The following DPH1 variants were observed in gnomAD, a reference collection of about 807,000 sequenced individuals.
The protein encoded by DPH1 is diphthamide biosynthesis 1, also known as 2-(3-amino-3-carboxypropyl)histidine synthase subunit 1.
A neutral mutation model predicts 55.3 loss-of-function variants in DPH1; 59 were observed. The ratio of observed to expected loss-of-function variants is 1.07; its 90% CI spans 0.87 to 1.33. DPH1 has a LOEUF of 1.33. Ranked by LOEUF, DPH1 falls within the 40% of genes most tolerant of loss-of-function variation. DPH1 has a pLI of 0.00. For synonymous variants in DPH1, 238 were observed against 235.5 expected, an observed-to-expected ratio of 1.01 and a Z score of -0.10; for missense variants, 628 against 584.8, an observed-to-expected ratio of 1.07 and a Z score of -0.76.
chr17:2,033,007 C>T (rs2067352006), intron 1 of DPH1, among the ~76,000 whole-genome samples: 1 of 152,234 alleles, frequency 6.6e-6, no homozygotes, highest in Non-Finnish European at 1.5e-5. Flanking sequence ...GCTGGGATTA[C>T]AGGCGTGAGC....
chr17:2,040,179 C>T, intron 7 of DPH1, 39 bp from the exon 8 acceptor site: 3 of 1,609,804 alleles, frequency 1.9e-6, no homozygotes, highest in Non-Finnish European at 2.5e-6. Context: ...CTGGTCCTGA[C>T]AGTGGCTGCC....
At position 2,039,735 on chromosome 17, in the gene DPH1, C is replaced by G. The variant is rs1027091464; in HGVS notation, c.681-20C>G. On this transcript the variant is annotated intron_variant, in intron 6 of 12. Transcript: ENST00000263083. ...TTCTGCTGCCCTAAACCACACTTAG[C>G]CTCCTTTCCACCCCTGCAGGTATCT... 3 of 1,613,990 alleles carry G rather than the reference C, an allele frequency of 1.9e-6. No homozygotes were observed. The highest frequency in any genetic ancestry group is 1.7e-6 in the Non-Finnish European group (2 of 1,180,010).
In DPH1 at chr17:2,030,155, A is replaced by C. The variant is rs534743578; in HGVS notation, c.-15A>C. On this transcript the variant is annotated 5_prime_UTR_variant, in exon 1 of 13. It removes an upstream start codon present in the reference 5' UTR. Transcript: ENST00000263083. ...TCCAGCGCTGTCTTTTTAGTACCAC[A>C]TGCGCAGGCAGGTGATGGCGGCGCT... 1.2e-6 allele frequency: 2 copies of C among 1,601,316 alleles called. No homozygotes were observed. Among genetic ancestry groups the C allele is most frequent in the South Asian group, 2.3e-5 (2 of 88,414 alleles).
At chr17:2,034,470 C>CTTGTT (rs2067376104) in intron 3 of DPH1, among the ~76,000 whole-genome samples, 3 of 137,986 alleles carry the variant, frequency 2.2e-5, no homozygotes, top group African/African-American at 5.4e-5. Flanking sequence ...GCTGCCCCAT[C>CTTGTT]GCCCTCCCCT....
intron 3 of DPH1, among the ~76,000 whole-genome samples, chr17:2,035,465 TCCGGGTGA>T (rs1567543908): frequency 0.074 from 1,433 of 19,252 alleles, 7 homozygotes; most frequent in East Asian, 0.17. Context: ...GTAGTGGGGG[TCCGGGTGA>T]GGGGGCCCTG....
intron 1 of DPH1, among the ~76,000 whole-genome samples, chr17:2,031,420 C>T (rs1392209295): frequency 6.6e-6 from 1 of 151,466 alleles, no homozygotes; most frequent in Non-Finnish European, 1.5e-5. Flanking sequence ...AAATTAGCCG[C>T]GTGTGGTAGC....
rs936566545 is a variant in DPH1, at chr17:2,042,779, A to C, written c.*193A>C. ...TTTGACGGCCTTCTTGGTTTCAGCCAAGGGGCTGCGCTAGCAGCCCTTGTG... is the reference window on the plus strand; with the variant it reads ...TTTGACGGCCTTCTTGGTTTCAGCCCAGGGGCTGCGCTAGCAGCCCTTGTG... On this transcript the variant is annotated 3_prime_UTR_variant, in exon 13 of 13. Transcript: ENST00000263083. 8.1e-6 allele frequency: 13 copies of C among 1,611,528 alleles called. No homozygotes were observed. Among genetic ancestry groups the C allele is most frequent in the Non-Finnish European group, 1.0e-5 (12 of 1,179,172 alleles).
At chr17:2,033,377 A>G (rs773915149) in intron 1 of DPH1, 128 bp from the exon 2 acceptor site, 2 of 1,443,518 alleles carry the variant, frequency 1.4e-6, no homozygotes, top group Admixed American at 2.1e-5. Flanking sequence ...TTTTCTTGAG[A>G]TGACTCAAAA....
chr17:2,036,018 T>C lies in DPH1; in HGVS notation c.327T>C (p.Ala109=), dbSNP rs2151346731. Residue 109 remains alanine, a synonymous_variant, in exon 4 of 13, where the codon GCT becomes GCC. Transcript: ENST00000263083. This position sits in a 1 kb window ranked among gnomAD's most constrained non-coding sequence, Gnocchi z 4.8. ...VMVMGDVTYG[A]CCVDDFTARA... ...TGATGGGTGACGTGACCTACGGGGC[T>C]TGCTGTGTGGATGACTTCACAGCGA... The C allele has an allele frequency of 6.2e-7, 1 of 1,613,996 alleles. No homozygotes were observed. Among genetic ancestry groups the C allele is most frequent in the Non-Finnish European group, 8.5e-7 (1 of 1,179,926 alleles).
chr17:2,035,424 CGGACGAG>C (rs2067401633), intron 3 of DPH1, among the ~76,000 whole-genome samples: 1 of 125,996 alleles, frequency 7.9e-6, no homozygotes, highest in Non-Finnish European at 1.7e-5. Context: ...AGTGGGGGTC[CGGACGAG>C]AGGGCCCTGC....
intron 6 of DPH1, among the ~76,000 whole-genome samples, chr17:2,038,552 G>C (rs534262596): frequency 6.6e-6 from 1 of 152,086 alleles, no homozygotes; most frequent in African/African-American, 2.4e-5. Flanking sequence ...GATCCGCCGC[G>C]GCATTAGATT....
chr17:2,041,618 G>T lies in DPH1; in HGVS notation c.1224G>T (p.Gly408=), dbSNP rs778461624. Residue 408 remains glycine, a synonymous_variant, in exon 11 of 13, where the codon GGG becomes GGT. Coordinates refer to ENST00000263083, the MANE Select transcript of DPH1 (RefSeq NM_001383.6). ...RPHAPGRPAR[G]KVQEGSARPP... ...ACGCCCCGGGCCGGCCCGCGCGGGG[G>T]AAGGTAGGCGGGGGCTTCCAGGAGG... The T allele has an allele frequency of 6.9e-6, 11 of 1,603,932 alleles. No individual in the cohort carries two copies. The East Asian group carries it at 2.2e-4, about 33-fold the overall frequency.
At chr17:2,032,311 C>G (rs1489749084) in intron 1 of DPH1, among the ~76,000 whole-genome samples, 1 of 152,152 alleles carries the variant, frequency 6.6e-6, no homozygotes, top group South Asian at 2.1e-4. Flanking sequence ...TATATGGACT[C>G]AGACTCATTC....
chr17:2,036,048 C>T lies in DPH1; in HGVS notation c.357C>T (p.Ala119=). Residue 119 remains alanine (A), a synonymous_variant, in exon 4 of 13, where the codon GCC becomes GCT. Transcript: ENST00000263083. This position sits in a 1 kb window ranked among gnomAD's most constrained non-coding sequence, Gnocchi z 4.8. The part of the protein sequence containing the change: ...ACCVDDFTAR[A]LGADFLVHYG... ...GTGTGGATGACTTCACAGCGAGGGCCCTGGGAGCTGACTTCTTGGTGCACT... is the reference window on the plus strand; with the variant it reads ...GTGTGGATGACTTCACAGCGAGGGCTCTGGGAGCTGACTTCTTGGTGCACT... 6.2e-7 allele frequency: 1 copy of T among 1,613,950 alleles called. No homozygotes were observed.
chr17:2,033,364 G>A, intron 1 of DPH1, 141 bp from the exon 2 acceptor site: 1 of 1,286,438 alleles, frequency 7.8e-7, no homozygotes, highest in South Asian at 1.3e-5. Context: ...AGATGCCTGG[G>A]ATTTTTCTTG....
chr17:2,040,436 C>G (rs552178394), intron 8 of DPH1, 62 bp downstream of exon 8: 1 of 1,613,624 alleles, frequency 6.2e-7, no homozygotes, highest in African/African-American at 1.3e-5. Flanking sequence ...CTGGGAAAAC[C>G]AGTAGGCCAC....
In DPH1 at chr17:2,043,064, G is replaced by A. The variant is rs2067575430; in HGVS notation, c.*478G>A. 1.9e-6 allele frequency: 3 copies of A among 1,613,932 alleles called. No homozygotes were observed. The highest frequency in any genetic ancestry group is 2.5e-6 in the Non-Finnish European group (3 of 1,180,026). Reference sequence around the variant, plus strand: ...TTCATTCCAGCAGCTGCACCCCAGCGTCAGGCCTACCTCAAGTTCTTGGAC... The same window carrying A: ...TTCATTCCAGCAGCTGCACCCCAGCATCAGGCCTACCTCAAGTTCTTGGAC... On this transcript the variant is annotated 3_prime_UTR_variant, in exon 13 of 13. Coordinates refer to ENST00000263083, the MANE Select transcript of DPH1 (RefSeq NM_001383.6).
At chr17:2,041,003 T>TAACAG in intron 9 of DPH1, 100 bp from the exon 10 acceptor site, 6 of 1,143,316 alleles carry the variant, frequency 5.2e-6, no homozygotes, top group Non-Finnish European at 7.7e-6. Context: ...ATAAAGCCTG[T>TAACAG]TAATGAATGG....
intron 6 of DPH1, among the ~76,000 whole-genome samples, chr17:2,038,186 TAC>T (rs1360790916): frequency 7.0e-6 from 1 of 143,654 alleles, no homozygotes; most frequent in Non-Finnish European, 1.5e-5. Flanking sequence ...ATTAGCTGGG[TAC>T]AGTGTCCATG....
Sources: gnomAD v4.1 joint callset for allele counts (sites outside exome capture counted in the v4.1 genomes callset) on GRCh38, gnomAD v4.1.1 for gene constraint, Gnocchi (gnomAD v3.1) non-coding constraint, MANE v1.5 for transcripts, NCBI Gene and HGNC (gene_info 2026-07-23, HGNC 2026-07-21) for gene names.